The following ATG7 variants were observed in gnomAD, a reference collection of about 807,000 sequenced individuals.
The protein encoded by ATG7 is ubiquitin-like modifier-activating enzyme ATG7.
Under a neutral mutation model 82.4 loss-of-function variants are expected in ATG7, and 70 were observed. That is an observed-to-expected ratio of 0.85 (90% CI 0.70 to 1.04). ATG7 has a LOEUF of 1.04. ATG7 is among the 50% of genes least tolerant of loss of function. ATG7 has a pLI of 0.00. For missense variants in ATG7, 792 were observed against 864.3 expected, an observed-to-expected ratio of 0.92 and a Z score of 1.05; for synonymous variants, 287 against 313.0, an observed-to-expected ratio of 0.92 and a Z score of 0.88.
chr3:11,524,799 CAAAAACAAAA>C (rs1430792147), intron 20 of ATG7, among the ~76,000 whole-genome samples: 1 of 151,152 alleles, frequency 6.6e-6, no homozygotes, highest in Non-Finnish European at 1.5e-5. Context: ...AAAACAAAAA[CAAAAACAAAA>C]AAAAACAAAA....
chr3:11,525,703 C>T (rs1368929584), intron 20 of ATG7, among the ~76,000 whole-genome samples: 1 of 151,750 alleles, frequency 6.6e-6, no homozygotes, highest in Non-Finnish European at 1.5e-5. Context: ...TACAGGTACC[C>T]GCCACCACAC....
At chr3:11,345,501 T>C (rs1350235176) in intron 13 of ATG7, among the ~76,000 whole-genome samples, 1 of 152,236 alleles carries the variant, frequency 6.6e-6, no homozygotes, top group African/African-American at 2.4e-5. Context: ...TGACTCACCT[T>C]TTTAGATTTT....
chr3:11,572,199 A>G, the ATG7 span, among the ~76,000 whole-genome samples: 2 of 152,224 alleles, frequency 1.3e-5, no homozygotes, highest in Non-Finnish European at 2.9e-5. Flanking sequence ...ATGCCCAATC[A>G]TATGCTAGAC....
chr3:11,384,633 T>C (rs773160058), intron 19 of ATG7, among the ~76,000 whole-genome samples: 1 of 152,216 alleles, frequency 6.6e-6, no homozygotes, highest in Non-Finnish European at 1.5e-5. Context: ...TATATAATCC[T>C]ACCTACCTTC....
At chr3:11,481,981 C>T (rs900453023) in intron 20 of ATG7, among the ~76,000 whole-genome samples, 1 of 152,174 alleles carries the variant, frequency 6.6e-6, no homozygotes, top group Non-Finnish European at 1.5e-5. Context: ...ATGCCCCTTG[C>T]CCTTGAGGCT....
At chr3:11,503,056 C>G (rs1358894332) in intron 20 of ATG7, among the ~76,000 whole-genome samples, 1 of 152,174 alleles carries the variant, frequency 6.6e-6, no homozygotes, top group Admixed American at 6.5e-5. Flanking sequence ...TCTCCCCACA[C>G]TAGGATCCAA....
At chr3:11,376,349 G>A (rs2077416268) in intron 18 of ATG7, among the ~76,000 whole-genome samples, 2 of 152,308 alleles carry the variant, frequency 1.3e-5, no homozygotes, top group Middle Eastern at 3.4e-3. Context: ...TCTCAAACCC[G>A]TTATGAATTT....
In ATG7 at chr3:11,458,829, C is replaced by T. The variant is rs181363391; in HGVS notation, c.2079+31903C>T. 1.7e-4 allele frequency among the ~76,000 whole-genome samples: 26 copies of T among 152,338 alleles called. 1 individual carries two copies. In the East Asian group the frequency reaches 4.6e-3, roughly 27 times the overall value. On this transcript the variant is annotated intron_variant, in intron 20 of 20. Transcript: ENST00000693202. ...GTCCGAGGCCTGTTAGGAACCCGAT[C>T]GCGCAGCTGTAGGTGAGCGGGGCAA...
chr3:11,339,781 G>GT (rs1407048413), intron 11 of ATG7, among the ~76,000 whole-genome samples: 1 of 152,202 alleles, frequency 6.6e-6, no homozygotes, highest in East Asian at 1.9e-4. Flanking sequence ...GGAGAGCCAC[G>GT]TAAGTGTGGG....
chr3:11,568,895 C>T, the ATG7 span: 20 of 1,312,914 alleles, frequency 1.5e-5, no homozygotes, highest in Non-Finnish European at 1.8e-5. This position sits in a 1 kb window ranked among gnomAD's most constrained non-coding sequence, Gnocchi z 5.9. Flanking sequence ...GGCCCCGCCC[C>T]GGGCCTCATC....
intron 20 of ATG7, among the ~76,000 whole-genome samples, chr3:11,436,756 T>C (rs2083404215): frequency 6.6e-6 from 1 of 152,178 alleles, no homozygotes; most frequent in Middle Eastern, 3.2e-3. Flanking sequence ...TAATACATGT[T>C]ATAGTATGGA....
At chr3:11,516,768 A>G (rs938221180) in intron 20 of ATG7, among the ~76,000 whole-genome samples, 2 of 152,194 alleles carry the variant, frequency 1.3e-5, no homozygotes, top group Non-Finnish European at 2.9e-5. Flanking sequence ...CATTAAAGAC[A>G]TGGAGAAAGT....
chr3:11,304,272 A>G (rs959702639), intron 5 of ATG7, among the ~76,000 whole-genome samples: 7 of 152,128 alleles, frequency 4.6e-5, no homozygotes, highest in African/African-American at 1.7e-4. Flanking sequence ...CCAGCACCCA[A>G]CACAGATCTG....
At chr3:11,397,586 A>T (rs2079422543) in intron 19 of ATG7, among the ~76,000 whole-genome samples, 1 of 151,650 alleles carries the variant, frequency 6.6e-6, no homozygotes, top group Non-Finnish European at 1.5e-5. Context: ...GCCTCCGAGT[A>T]ACTGGGACTA....
chr3:11,430,728 A>G (rs2082797505), intron 20 of ATG7, among the ~76,000 whole-genome samples: 2 of 152,226 alleles, frequency 1.3e-5, no homozygotes, highest in African/African-American at 4.8e-5. Flanking sequence ...AGAAGCTGAC[A>G]TGGAAATAGT....
chr3:11,321,392 A>C (rs1321059349), intron 9 of ATG7, among the ~76,000 whole-genome samples: 1 of 142,350 alleles, frequency 7.0e-6, no homozygotes, highest in Admixed American at 7.2e-5. Context: ...AGCCACCAAC[A>C]GCTGGGACTG....
intron 19 of ATG7, among the ~76,000 whole-genome samples, chr3:11,399,164 A>G (rs112738779): frequency 0.013 from 1,958 of 152,284 alleles, 40 homozygotes; most frequent in African/African-American, 0.044. Flanking sequence ...CCTGGCCAAC[A>G]TGGTGAAACT....
chr3:11,382,644 A>G (rs1018991357), intron 19 of ATG7, among the ~76,000 whole-genome samples: 19 of 152,186 alleles, frequency 1.2e-4, no homozygotes, highest in African/African-American at 4.6e-4. Flanking sequence ...ATTCCAAGCT[A>G]ACTAGAGTAT....
chr3:11,533,939 ACTTGGAGCGCATCTTGAGGC>A (rs2092739828), intron 20 of ATG7, among the ~76,000 whole-genome samples: 1 of 152,222 alleles, frequency 6.6e-6, no homozygotes, highest in South Asian at 2.1e-4. Flanking sequence ...GATTAAAAAA[ACTTGGAGCGCATCTTGAGGC>A]CCAGGTTTCC....
Sources: allele counts gnomAD v4.1 joint callset (sites outside exome capture counted in the v4.1 genomes callset), GRCh38; gene constraint gnomAD v4.1.1; non-coding constraint Gnocchi (gnomAD v3.1); transcripts MANE v1.5; gene names NCBI Gene and HGNC (gene_info 2026-07-23, HGNC 2026-07-21).